Variants in MGAT4C observed in about 807,000 individuals in gnomAD.
The protein encoded by MGAT4C is MGAT4 family member C.
A neutral mutation model predicts 40.1 loss-of-function variants in MGAT4C; 19 were observed. That is an observed-to-expected ratio of 0.47 (90% CI 0.33 to 0.70). The LOEUF is 0.70. MGAT4C is among the 30% of genes least tolerant of loss of function. The pLI is 0.02. For missense variants in MGAT4C, 491 were observed against 563.2 expected (o/e 0.87, Z 1.30); for synonymous variants, 181 against 187.1 (o/e 0.97, Z 0.27).
chr12:86,005,394 GGTTATA>G (rs1887770623), intron 2 of MGAT4C, among the ~76,000 whole-genome samples: 1 of 152,088 alleles, frequency 6.6e-6, no homozygotes, highest in Non-Finnish European at 1.5e-5. Context: ...TGGAAACATT[GGTTATA>G]TTTATAAGGT....
chr12:86,357,531 G>A (rs572631673), intron 3 of MGAT4C, among the ~76,000 whole-genome samples: 9 of 152,204 alleles, frequency 5.9e-5, no homozygotes, highest in African/African-American at 1.2e-4. Flanking sequence ...AAACTTCTCC[G>A]AGCTAAAGGA....
At chr12:86,631,873 A>G (rs1963057172) in intron 2 of MGAT4C, among the ~76,000 whole-genome samples, 1 of 152,106 alleles carries the variant, frequency 6.6e-6, no homozygotes, top group Non-Finnish European at 1.5e-5. Flanking sequence ...AAACACCAAA[A>G]GCAATGGCAA....
At chr12:86,129,488 C>A (rs4586245) in intron 1 of MGAT4C, among the ~76,000 whole-genome samples, 11,229 of 149,760 alleles carry the variant, frequency 0.075, 591 homozygotes, top group Middle Eastern at 0.21. Context: ...GCCTTTTTCT[C>A]TTCCTCACGG....
chr12:86,107,349 T>A (rs546415636), intron 1 of MGAT4C, among the ~76,000 whole-genome samples: 2 of 152,190 alleles, frequency 1.3e-5, no homozygotes, highest in South Asian at 2.1e-4. Flanking sequence ...ATCCTGAAAA[T>A]CATTGTATGT....
In MGAT4C at chr12:86,618,216, C is replaced by G. The variant is rs144292715; in HGVS notation, c.-229+108993G>C. On this transcript the variant is annotated intron_variant, in intron 2 of 7. Coordinates refer to the MGAT4C transcript ENST00000548651. ...AAGATGAAAAGAAAGAATTCTTATA[C>G]ACTGTTAGTGGGAATGAAAATTAGT... Among the ~76,000 whole-genome samples the G allele has an allele frequency of 3.3e-5, 5 of 152,196 alleles. No individual in the cohort carries two copies. In the East Asian group the frequency reaches 9.6e-4, roughly 29 times the overall value.
At chr12:86,805,302 T>A (rs1952330175) in intron 1 of MGAT4C, among the ~76,000 whole-genome samples, 1 of 151,946 alleles carries the variant, frequency 6.6e-6, no homozygotes, top group East Asian at 1.9e-4. Flanking sequence ...TTTGGAATAT[T>A]AATGATCATA....
At chr12:86,773,073 C>G (rs1951666503) in intron 1 of MGAT4C, among the ~76,000 whole-genome samples, 1 of 152,052 alleles carries the variant, frequency 6.6e-6, no homozygotes, top group African/African-American at 2.4e-5. Context: ...AATTATTTCC[C>G]CCTTCCAATT....
intron 2 of MGAT4C, among the ~76,000 whole-genome samples, chr12:86,438,072 T>C (rs1957167519): frequency 6.6e-6 from 1 of 151,942 alleles, no homozygotes; most frequent in Non-Finnish European, 1.5e-5. Flanking sequence ...AAAGCCAAGA[T>C]AGGCTAAAAG....
At chr12:86,308,729 T>A (rs1320265580) in intron 4 of MGAT4C, among the ~76,000 whole-genome samples, 2 of 150,640 alleles carry the variant, frequency 1.3e-5, no homozygotes, top group East Asian at 3.9e-4. Context: ...CCCCAGTAGA[T>A]AATCATATTT....
intron 1 of MGAT4C, among the ~76,000 whole-genome samples, chr12:86,185,166 T>A (rs1054220593): frequency 3.9e-5 from 6 of 152,206 alleles, no homozygotes; most frequent in Non-Finnish European, 7.3e-5. Context: ...TAATTTTGTC[T>A]TTTGACACTC....
intron 2 of MGAT4C, among the ~76,000 whole-genome samples, chr12:86,547,062 T>G (rs1046212813): frequency 1.3e-5 from 2 of 152,058 alleles, no homozygotes; most frequent in African/African-American, 4.8e-5. Flanking sequence ...ATAGTAAAAT[T>G]TATTGATTAA....
chr12:86,836,801 AC>A (rs1360131850), intron 1 of MGAT4C, among the ~76,000 whole-genome samples: 2 of 152,134 alleles, frequency 1.3e-5, no homozygotes, highest in Non-Finnish European at 2.9e-5. Flanking sequence ...CCATACCCAA[AC>A]ATGAAGTGAC....
At chr12:86,390,836 A>G (rs1956148796) in intron 3 of MGAT4C, among the ~76,000 whole-genome samples, 1 of 152,214 alleles carries the variant, frequency 6.6e-6, no homozygotes, top group Admixed American at 6.5e-5. Context: ...TTCATATAAG[A>G]AACTGAGGCT....
chr12:86,741,222 A>T (rs1244487889), intron 1 of MGAT4C, among the ~76,000 whole-genome samples: 2 of 151,314 alleles, frequency 1.3e-5, no homozygotes, highest in Admixed American at 6.6e-5. Flanking sequence ...TGTTGACAAT[A>T]GCAAAGACCT....
intron 2 of MGAT4C, among the ~76,000 whole-genome samples, chr12:86,546,699 T>C (rs1266377346): frequency 6.6e-6 from 1 of 152,090 alleles, no homozygotes; most frequent in Non-Finnish European, 1.5e-5. Context: ...TATTTTTTTC[T>C]AAGCTGTAAG....
chr12:86,178,603 C>T (rs953349734), intron 1 of MGAT4C, among the ~76,000 whole-genome samples: 4 of 152,154 alleles, frequency 2.6e-5, no homozygotes, highest in Admixed American at 6.5e-5. Context: ...AACTGTTCTC[C>T]CTTAATCAGA....
At chr12:86,720,771 T>C (rs924385373) in intron 2 of MGAT4C, among the ~76,000 whole-genome samples, 22 of 152,202 alleles carry the variant, frequency 1.4e-4, no homozygotes, top group African/African-American at 5.1e-4. Context: ...TAATAGCATG[T>C]TAAAAATGAA....
At chr12:86,805,230 AT>A (rs2136208741) in intron 1 of MGAT4C, among the ~76,000 whole-genome samples, 1 of 151,738 alleles carries the variant, frequency 6.6e-6, no homozygotes, top group African/African-American at 2.4e-5. Flanking sequence ...TTTTACTTTT[AT>A]TTTAGATTCA....
At chr12:86,046,400 A>C (rs924722377) in intron 2 of MGAT4C, among the ~76,000 whole-genome samples, 3 of 152,188 alleles carry the variant, frequency 2.0e-5, no homozygotes, top group Non-Finnish European at 4.4e-5. Context: ...TGCCATGGGA[A>C]CAGACCAAGG....
Sources: allele counts gnomAD v4.1 joint callset (sites outside exome capture counted in the v4.1 genomes callset), GRCh38; gene constraint gnomAD v4.1.1; transcripts MANE v1.5; gene names NCBI Gene and HGNC (gene_info 2026-07-23, HGNC 2026-07-21).